CCDC85C: variants seen among roughly 807,000 people sequenced by gnomAD.
CCDC85C encodes the protein coiled-coil domain containing 85C, also known as coiled-coil domain-containing protein 85C.
In CCDC85C, 18 loss-of-function variants were observed where a neutral mutation model predicts 38.3. That is an observed-to-expected ratio of 0.47 (90% CI 0.33 to 0.70). CCDC85C has a LOEUF of 0.70. Ranked by LOEUF, CCDC85C falls within the 30% of genes least tolerant of loss-of-function variation. The pLI, the probability that CCDC85C is intolerant of heterozygous loss-of-function variation, is 0.03. For synonymous variants in CCDC85C, 264 were observed against 293.8 expected, an observed-to-expected ratio of 0.90 and a Z score of 1.04; for missense variants, 566 against 621.2, an observed-to-expected ratio of 0.91 and a Z score of 0.94.
In CCDC85C at chr14:99,523,378, A is replaced by C. The variant is rs1485500979; in HGVS notation, c.868-1138T>G. On this transcript the variant is annotated intron_variant, in intron 2 of 5. Coordinates refer to ENST00000380243, the MANE Select transcript of CCDC85C (RefSeq NM_001144995.2). ...ACAAGCCCCAGCCTCACTGAGGTCC[A>C]GCTCTTGTGTTCTCCCAGCCCCATC... is the stretch of plus-strand genomic sequence containing the variant. Among the ~76,000 whole-genome samples, 7 of 152,288 alleles carry C rather than the reference A, an allele frequency of 4.6e-5. No homozygotes were observed. In the East Asian group the frequency reaches 1.4e-3, roughly 29 times the overall value.
rs574725709 is a variant in CCDC85C at position 99,520,017 on chromosome 14, G to T, written c.975+2116C>A. Among the ~76,000 whole-genome samples the T allele has an allele frequency of 6.6e-6, 1 of 152,290 alleles. No individual in the cohort carries two copies. The highest frequency in any genetic ancestry group is 1.5e-5 in the Non-Finnish European group (1 of 68,014). On this transcript the variant is annotated intron_variant, in intron 3 of 5. Coordinates refer to ENST00000380243, the MANE Select transcript of CCDC85C (RefSeq NM_001144995.2). This position sits in a 1 kb window ranked among gnomAD's most constrained non-coding sequence, Gnocchi z 4.1. ...GTGTCCTCCCTTAGGAGGCTGATGG[G>T]TATAAACCACCTCCCACCCTCCACT...
intron 1 of CCDC85C, among the ~76,000 whole-genome samples, chr14:99,582,119 G>C (rs748148945): frequency 7.2e-5 from 11 of 152,150 alleles, no homozygotes; most frequent in Non-Finnish European, 1.5e-4. Flanking sequence ...CAGCGGGGGC[G>C]GGGGGATGCT....
chr14:99,508,736 G>C lies in CCDC85C; in HGVS notation c.*6510C>G, dbSNP rs1198306188. 1 of 152,436 alleles carries C rather than the reference G, an allele frequency of 6.6e-6. No individual in the cohort carries two copies. Among genetic ancestry groups the C allele is most frequent in the African/African-American group, 2.4e-5 (1 of 41,460 alleles). 9.4% of individuals were successfully genotyped at this position (152,436 alleles called of 1,614,324 possible). A position where few individuals can be genotyped will look rare whatever the true frequency, so the allele number is the denominator to read the frequency against. ...GGAGAGACCCCCACTTGCTGTTCCAGCTCAGTCACACAGCACAAGGGCAGG... is the reference window on the plus strand; with the variant it reads ...GGAGAGACCCCCACTTGCTGTTCCACCTCAGTCACACAGCACAAGGGCAGG... On this transcript the variant is annotated 3_prime_UTR_variant, in exon 6 of 6. Coordinates refer to ENST00000380243, the MANE Select transcript of CCDC85C (RefSeq NM_001144995.2).
rs1897295323 is a variant in CCDC85C, at chr14:99,520,917, C to G, written c.975+1216G>C. Among the ~76,000 whole-genome samples the G allele has an allele frequency of 6.6e-6, 1 of 152,390 alleles. No individual in the cohort carries two copies. Among genetic ancestry groups the G allele is most frequent in the South Asian group, 2.1e-4 (1 of 4,832 alleles). ...CTTCCTGAACATTCCTGAACTCTGA[C>G]AGCATTTTATCCGCACTCTCAGGCC... On this transcript the variant is annotated intron_variant, in intron 3 of 5. Coordinates refer to ENST00000380243, the MANE Select transcript of CCDC85C (RefSeq NM_001144995.2). The surrounding 1 kb of genome is among the most constrained non-coding windows in gnomAD (Gnocchi z 4.1).
chr14:99,502,470 T>C lies in CCDC85C; in HGVS notation c.*12776A>G. ...AGTCCCAAGAATGGATTTTCCCAGA[T>C]AGACATATGTGAGCAATATTTCAGA... On this transcript the variant is annotated 3_prime_UTR_variant, in exon 6 of 6. Coordinates refer to ENST00000380243, the MANE Select transcript of CCDC85C (RefSeq NM_001144995.2). 1 of 1,487,508 alleles carries C rather than the reference T, an allele frequency of 6.7e-7. No individual in the cohort carries two copies. The highest frequency in any genetic ancestry group is 1.4e-5 in the South Asian group (1 of 71,478). 92.1% of individuals were successfully genotyped at this position (1,487,508 alleles called of 1,614,324 possible).
At chr14:99,581,464 G>A (rs994882594) in intron 1 of CCDC85C, among the ~76,000 whole-genome samples, 11 of 152,202 alleles carry the variant, frequency 7.2e-5, no homozygotes, top group African/African-American at 1.7e-4. Context: ...GTCTGGCCTC[G>A]CTCCCCCCAC....
chr14:99,524,474 C>T (rs1196378825), intron 2 of CCDC85C, among the ~76,000 whole-genome samples: 1 of 152,112 alleles, frequency 6.6e-6, no homozygotes, highest in African/African-American at 2.4e-5. Flanking sequence ...TGTGCGTGAG[C>T]GTGAGGGAGG....
At chr14:99,585,358 G>A (rs892299880) in intron 1 of CCDC85C, among the ~76,000 whole-genome samples, 14 of 152,242 alleles carry the variant, frequency 9.2e-5, no homozygotes, top group Admixed American at 2.6e-4. Flanking sequence ...GAGAGGTGGT[G>A]TGGGCAGGTG....
At chr14:99,536,112 G>A (rs1490616553) in intron 1 of CCDC85C, 24 bp from the exon 2 acceptor site, 3 of 1,502,894 alleles carry the variant, frequency 2.0e-6, no homozygotes, top group South Asian at 2.4e-5. Flanking sequence ...AGAGGAAGGG[G>A]GACATTAGCC....
intron 1 of CCDC85C, among the ~76,000 whole-genome samples, chr14:99,600,610 C>T (rs901227261): frequency 6.6e-6 from 1 of 152,204 alleles, no homozygotes; most frequent in Non-Finnish European, 1.5e-5. Context: ...GCAAACCCAC[C>T]CAGGACAGGT....
At chr14:99,578,053 G>GTGTGTT (rs1555371738) in intron 1 of CCDC85C, among the ~76,000 whole-genome samples, 1 of 132,924 alleles carries the variant, frequency 7.5e-6, no homozygotes. Flanking sequence ...CCATCAGAGT[G>GTGTGTT]TGTGTGTGTG....
intron 1 of CCDC85C, among the ~76,000 whole-genome samples, chr14:99,567,758 G>A (rs1397401937): frequency 2.6e-5 from 4 of 152,188 alleles, no homozygotes; most frequent in Non-Finnish European, 5.9e-5. Flanking sequence ...TTGGGAGGAG[G>A]AGCTTGCGGT....
chr14:99,527,924 G>A (rs965974081), intron 2 of CCDC85C, among the ~76,000 whole-genome samples: 9 of 152,232 alleles, frequency 5.9e-5, no homozygotes, highest in East Asian at 1.9e-4. Flanking sequence ...GGCAAGGTGC[G>A]TGAGAAGGGG....
intron 1 of CCDC85C, among the ~76,000 whole-genome samples, chr14:99,543,165 AGAAGCCTCTGGAACAAT>A (rs1897745688): frequency 6.6e-6 from 1 of 152,244 alleles, no homozygotes; most frequent in African/African-American, 2.4e-5. Flanking sequence ...TTCTTTGGGC[AGAAGCCTCTGGAACAAT>A]GAAGGTTCCC....
At chr14:99,587,468 T>G (rs771515876) in intron 1 of CCDC85C, among the ~76,000 whole-genome samples, 2 of 152,192 alleles carry the variant, frequency 1.3e-5, no homozygotes, top group Non-Finnish European at 2.9e-5. Flanking sequence ...GGATTTATTC[T>G]ATCCCCCTAT....
At chr14:99,553,822 C>T (rs560155491) in intron 1 of CCDC85C, among the ~76,000 whole-genome samples, 12 of 152,206 alleles carry the variant, frequency 7.9e-5, no homozygotes, top group Non-Finnish European at 1.2e-4. Flanking sequence ...GGCAAGGACC[C>T]GAGGCTGAGG....
intron 1 of CCDC85C, among the ~76,000 whole-genome samples, chr14:99,554,215 C>A (rs192060593): frequency 6.6e-6 from 1 of 152,192 alleles, no homozygotes; most frequent in Non-Finnish European, 1.5e-5. Flanking sequence ...TCCCAGCACA[C>A]GAGCTCCCCC....
intron 1 of CCDC85C, among the ~76,000 whole-genome samples, chr14:99,589,884 A>AC (rs1308502860): frequency 6.6e-6 from 1 of 151,928 alleles, no homozygotes; most frequent in African/African-American, 2.4e-5. Flanking sequence ...AGCCCAAGTG[A>AC]CCCCCTCCAC....
Position 99,520,823 on chromosome 14 carries a change from G to C in CCDC85C, c.975+1310C>G, listed in dbSNP as rs1023620826. The stretch of plus-strand genomic sequence containing the variant: ...AGTAGGGGACACCCCTTCATGCACA[G>C]AGCAGTCTAGAGGAAAAAAGGAGGC... On this transcript the variant is annotated intron_variant, in intron 3 of 5. Coordinates refer to ENST00000380243, the MANE Select transcript of CCDC85C (RefSeq NM_001144995.2). The surrounding 1 kb of genome is among the most constrained non-coding windows in gnomAD (Gnocchi z 4.1). Among the ~76,000 whole-genome samples the C allele has an allele frequency of 6.6e-6, 1 of 152,228 alleles. No individual in the cohort carries two copies. Among genetic ancestry groups the C allele is most frequent in the East Asian group, 1.9e-4 (1 of 5,184 alleles).
Sources: allele counts gnomAD v4.1 joint callset (sites outside exome capture counted in the v4.1 genomes callset), GRCh38; gene constraint gnomAD v4.1.1; non-coding constraint Gnocchi (gnomAD v3.1); transcripts MANE v1.5; gene names NCBI Gene and HGNC (gene_info 2026-07-23, HGNC 2026-07-21).